EDIL3: variants seen among roughly 807,000 people sequenced by gnomAD.
EDIL3 encodes EGF like and discoidin domains 3.
EDIL3 carries 37 observed loss-of-function variants against 67.4 expected under a neutral mutation model. The ratio of observed to expected loss-of-function variants is 0.55; its 90% CI spans 0.42 to 0.72. EDIL3 has a LOEUF of 0.72. Ranked by LOEUF, EDIL3 falls within the 30% of genes least tolerant of loss-of-function variation. EDIL3 has a pLI of 0.00. For synonymous variants in EDIL3, 195 were observed against 196.3 expected, an observed-to-expected ratio of 0.99 and a Z score of 0.05; for missense variants, 527 against 586.3, an observed-to-expected ratio of 0.90 and a Z score of 1.04.
At chr5:83,944,547 A>T (rs1437508055) in intron 10 of EDIL3, among the ~76,000 whole-genome samples, 1 of 151,700 alleles carries the variant, frequency 6.6e-6, no homozygotes, top group African/African-American at 2.4e-5. Flanking sequence ...TTAAATTATA[A>T]ATTATGTTGG....
chr5:84,159,999 A>T (rs114566911), intron 4 of EDIL3, among the ~76,000 whole-genome samples: 238 of 152,242 alleles, frequency 1.6e-3, no homozygotes, highest in African/African-American at 5.5e-3. Context: ...CATTTTCTTC[A>T]TTCTGACATT....
At chr5:84,336,634 TGAA>T (rs1268841897) in intron 1 of EDIL3, among the ~76,000 whole-genome samples, 1 of 152,142 alleles carries the variant, frequency 6.6e-6, no homozygotes, top group African/African-American at 2.4e-5. Context: ...AGAAAGAGGT[TGAA>T]GAAGGTAATC....
chr5:83,966,274 T>C (rs1283154273), intron 9 of EDIL3, among the ~76,000 whole-genome samples: 2 of 152,148 alleles, frequency 1.3e-5, no homozygotes, highest in Non-Finnish European at 2.9e-5. Flanking sequence ...TGTCTGGATC[T>C]GCCTTAAATG....
intron 2 of EDIL3, among the ~76,000 whole-genome samples, chr5:84,248,975 T>C (rs2112069547): frequency 6.6e-6 from 1 of 150,686 alleles, no homozygotes; most frequent in Non-Finnish European, 1.5e-5. Context: ...CCAACAGAAA[T>C]ACAAAATCTC....
intron 9 of EDIL3, among the ~76,000 whole-genome samples, chr5:84,033,029 G>A (rs537555780): frequency 1.1e-4 from 17 of 152,176 alleles, no homozygotes; most frequent in South Asian, 2.1e-4. Flanking sequence ...TTCAAAGGCC[G>A]TATTTTCAAG....
At chr5:84,017,605 TAAAAA>T (rs1745630364) in intron 9 of EDIL3, among the ~76,000 whole-genome samples, 1 of 152,120 alleles carries the variant, frequency 6.6e-6, no homozygotes, top group African/African-American at 2.4e-5. Flanking sequence ...AGCTACATTT[TAAAAA>T]TAAATGTATA....
At chr5:84,161,014 C>A (rs1343947742) in intron 4 of EDIL3, among the ~76,000 whole-genome samples, 1 of 151,832 alleles carries the variant, frequency 6.6e-6, no homozygotes, top group East Asian at 1.9e-4. Flanking sequence ...TTCACAAGCC[C>A]CTATGGTTCA....
intron 5 of EDIL3, among the ~76,000 whole-genome samples, chr5:84,122,302 T>C (rs1747790674): frequency 6.6e-6 from 1 of 152,034 alleles, no homozygotes; most frequent in South Asian, 2.1e-4. Context: ...TGCACATACA[T>C]ACTGCAGAGA....
chr5:84,322,261 A>G (rs1428071274), intron 1 of EDIL3, among the ~76,000 whole-genome samples: 2 of 151,976 alleles, frequency 1.3e-5, no homozygotes, highest in African/African-American at 4.8e-5. Flanking sequence ...CTAATGGCAG[A>G]TATACTAGAC....
At chr5:84,048,821 AT>A (rs1746278187) in intron 9 of EDIL3, among the ~76,000 whole-genome samples, 1 of 152,116 alleles carries the variant, frequency 6.6e-6, no homozygotes, top group Admixed American at 6.5e-5. Flanking sequence ...ATCCAAGTTA[AT>A]TCTTTGAGTG....
At chr5:84,054,028 T>A (rs1188662371) in intron 9 of EDIL3, among the ~76,000 whole-genome samples, 1 of 152,070 alleles carries the variant, frequency 6.6e-6, no homozygotes, top group Non-Finnish European at 1.5e-5. Flanking sequence ...TAGACCAATA[T>A]CCCTGATGAA....
At chr5:84,311,321 T>C (rs1334865124) in intron 1 of EDIL3, among the ~76,000 whole-genome samples, 2 of 147,220 alleles carry the variant, frequency 1.4e-5, no homozygotes, top group African/African-American at 4.9e-5. Context: ...TCTTTTTTTT[T>C]TTCTTTTTTT....
chr5:84,379,097 G>A (rs1561274096), intron 1 of EDIL3, among the ~76,000 whole-genome samples: 2 of 152,100 alleles, frequency 1.3e-5, no homozygotes, highest in Non-Finnish European at 2.9e-5. Context: ...CTCTGACACA[G>A]AAAGAATGCC....
chr5:84,075,314 C>T (rs1746830189), intron 6 of EDIL3, among the ~76,000 whole-genome samples: 1 of 151,784 alleles, frequency 6.6e-6, no homozygotes, highest in Non-Finnish European at 1.5e-5. Context: ...CTAACCTGCA[C>T]ATTGTGCACA....
At chr5:84,371,150 C>G (rs1747835297) in intron 1 of EDIL3, among the ~76,000 whole-genome samples, 1 of 150,726 alleles carries the variant, frequency 6.6e-6, no homozygotes, top group Non-Finnish European at 1.5e-5. Flanking sequence ...GGTACAGTGA[C>G]AGAATAATAA....
intron 9 of EDIL3, among the ~76,000 whole-genome samples, chr5:83,966,597 A>C (rs1316654947): frequency 2.0e-5 from 3 of 152,052 alleles, no homozygotes; most frequent in Admixed American, 2.0e-4. Context: ...GGTTTGGGGT[A>C]CCAAGTTGGT....
In EDIL3 at chr5:84,182,270, T is replaced by TACACAC. The variant is rs71607704; in HGVS notation, c.227-1755_227-1750dup. 8.0e-3 allele frequency among the ~76,000 whole-genome samples: 1,132 copies of TACACAC among 141,998 alleles called. 4 individuals are homozygous for TACACAC. The highest frequency in any genetic ancestry group is 8.0e-3 in the Admixed American group (114 of 14,204). The allele number at this position is 141,998 out of a possible 152,430, so 93.2% of individuals were successfully genotyped here. A position where few individuals can be genotyped will look rare whatever the true frequency, so the allele number is the denominator to read the frequency against. On this transcript the variant is annotated intron_variant, in intron 3 of 10. Coordinates refer to ENST00000296591, the MANE Select transcript of EDIL3 (RefSeq NM_005711.5). ...GGTGAAACTCCACTTCTACAAAAAA[T>TACACAC]ACACACACACACACACACACACACA... is the stretch of plus-strand genomic sequence containing the variant.
At chr5:83,963,724 C>T (rs911921582) in intron 9 of EDIL3, among the ~76,000 whole-genome samples, 3 of 148,802 alleles carry the variant, frequency 2.0e-5, no homozygotes, top group Non-Finnish European at 4.5e-5. Context: ...AGATTGATCA[C>T]TACCTGCCAG....
At chr5:84,207,874 T>A (rs1464124110) in intron 3 of EDIL3, among the ~76,000 whole-genome samples, 1 of 152,014 alleles carries the variant, frequency 6.6e-6, no homozygotes, top group Non-Finnish European at 1.5e-5. Flanking sequence ...ATCCCTTCCT[T>A]ACACCTTATA....
Sources: allele counts gnomAD v4.1 joint callset (sites outside exome capture counted in the v4.1 genomes callset), GRCh38; gene constraint gnomAD v4.1.1; transcripts MANE v1.5; gene names NCBI Gene and HGNC (gene_info 2026-07-23, HGNC 2026-07-21).